BEST3: variants seen among roughly 807,000 people sequenced by gnomAD.
BEST3 encodes bestrophin 3.
In BEST3, 50 loss-of-function variants were observed where a neutral mutation model predicts 47.1. The ratio of observed to expected loss-of-function variants is 1.06; its 90% CI spans 0.85 to 1.34. The LOEUF (loss-of-function observed/expected upper bound fraction) is 1.34, where lower values mean the gene tolerates loss of function less well. BEST3 is among the 40% of genes most tolerant of loss of function. BEST3 has a pLI of 0.00. For synonymous variants in BEST3, 282 were observed against 298.8 expected, an observed-to-expected ratio of 0.94 and a Z score of 0.58; for missense variants, 765 against 817.0, an observed-to-expected ratio of 0.94 and a Z score of 0.78.
At position 69,666,671 on chromosome 12, in the gene BEST3, C is replaced by G. The variant is rs547213991; in HGVS notation, c.1100+4757G>C. Among the ~76,000 whole-genome samples the G allele has an allele frequency of 4.6e-5, 7 of 152,314 alleles. No individual in the cohort carries two copies. The South Asian group carries it at 1.5e-3, about 32-fold the overall frequency. On this transcript the variant is annotated intron_variant, in intron 9 of 9. Coordinates refer to ENST00000330891, the MANE Select transcript of BEST3 (RefSeq NM_032735.3). The stretch of plus-strand genomic sequence containing the variant: ...ACTGTTCTGATTGCTCCCACCCACT[C>G]TTTGGTTCTACGTACTGATACCAGT...
At chr12:69,684,451 T>A (rs1885437660) in intron 4 of BEST3, 2 of 485,904 alleles carry the variant, frequency 4.1e-6, no homozygotes, top group East Asian at 6.2e-5. Context: ...ATAGAGATTC[T>A]GCCTGCTGTA....
At chr12:69,655,835 T>C (rs1883455251) in intron 9 of BEST3, 22 bp from the exon 10 acceptor site, 1 of 1,582,680 alleles carries the variant, frequency 6.3e-7, no homozygotes, top group Non-Finnish European at 8.6e-7. Context: ...AATGACAAGA[T>C]CCAGGCAGAG....
intron 4 of BEST3, among the ~76,000 whole-genome samples, chr12:69,681,790 A>T (rs540500769): frequency 6.6e-6 from 1 of 152,052 alleles, no homozygotes; most frequent in East Asian, 2.0e-4. Flanking sequence ...TTTAGAAAAT[A>T]CCAATGGCAG....
At chr12:69,693,653 A>T (rs1886015176) in intron 4 of BEST3, 21 bp downstream of exon 4, 2 of 1,551,912 alleles carry the variant, frequency 1.3e-6, no homozygotes, top group South Asian at 1.1e-5. Flanking sequence ...AGCCCATGGA[A>T]GGAAAAGCCA....
At chr12:69,681,294 T>A (rs771400654) in intron 4 of BEST3, among the ~76,000 whole-genome samples, 1 of 152,184 alleles carries the variant, frequency 6.6e-6, no homozygotes, top group Non-Finnish European at 1.5e-5. Context: ...CCATCTGTAA[T>A]CAGTTAACAA....
At chr12:69,676,888 A>C in intron 7 of BEST3, 28 bp downstream of exon 7, 1 of 1,607,500 alleles carries the variant, frequency 6.2e-7, no homozygotes, top group East Asian at 2.2e-5. Context: ...AACACATTAC[A>C]AAGTGGGGCC....
At chr12:69,658,384 A>G (rs375415482) in intron 9 of BEST3, among the ~76,000 whole-genome samples, 13 of 152,328 alleles carry the variant, frequency 8.5e-5, no homozygotes, top group African/African-American at 3.1e-4. Flanking sequence ...GGGGGAAAAT[A>G]GACAAGTTGC....
At chr12:69,659,807 C>G (rs1051413776) in intron 9 of BEST3, among the ~76,000 whole-genome samples, 2 of 151,946 alleles carry the variant, frequency 1.3e-5, no homozygotes, top group African/African-American at 4.8e-5. Context: ...TACCACTTAA[C>G]CAACTAATAG....
intron 2 of BEST3, among the ~76,000 whole-genome samples, chr12:69,696,637 G>A (rs1886142644): frequency 6.6e-6 from 1 of 152,116 alleles, no homozygotes; most frequent in African/African-American, 2.4e-5. Context: ...GTTTTGACAT[G>A]TGGAAAAATA....
intron 9 of BEST3, 102 bp downstream of exon 9, chr12:69,671,326 T>C (rs1457666784): frequency 8.4e-7 from 1 of 1,189,558 alleles, no homozygotes; most frequent in African/African-American, 1.7e-5. Context: ...CACAGTTGGC[T>C]ACTTTAAATT....
chr12:69,689,830 T>C (rs1885842467), intron 4 of BEST3, among the ~76,000 whole-genome samples: 1 of 152,202 alleles, frequency 6.6e-6, no homozygotes, highest in Admixed American at 6.5e-5. Context: ...TCCTCAAAGC[T>C]CTTCTTTGTA....
intron 4 of BEST3, among the ~76,000 whole-genome samples, chr12:69,679,375 T>C (rs1422069428): frequency 1.3e-5 from 2 of 152,242 alleles, no homozygotes; most frequent in Admixed American, 1.3e-4. Context: ...TCCTCCTCTC[T>C]GAAGCCTTCC....
At position 69,654,958 on chromosome 12, in the gene BEST3, C is replaced by G; in HGVS notation, c.1956G>C (p.Lys652Asn). ...TGTTCAGCTCTATGATATCTGTTTCCTTGGTGTCCAGGTTTTCCATTAAAT... is the reference window on the plus strand; with the variant it reads ...TGTTCAGCTCTATGATATCTGTTTCGTTGGTGTCCAGGTTTTCCATTAAAT... ...MLYLMENLDT[K>N]ETDIIELNKE... The change falls in exon 10 of 10, where the codon AAG becomes AAC. Residue 652 changes from lysine to asparagine, a missense_variant. Coordinates refer to ENST00000330891, the MANE Select transcript of BEST3 (RefSeq NM_032735.3). 1.9e-6 allele frequency: 3 copies of G among 1,614,000 alleles called. No homozygotes were observed. Among genetic ancestry groups the G allele is most frequent in the Non-Finnish European group, 2.5e-6 (3 of 1,179,970 alleles).
In BEST3 at chr12:69,653,670, T is replaced by C. The variant is rs1883288365; in HGVS notation, c.*1237A>G. On this transcript the variant is annotated 3_prime_UTR_variant, in exon 10 of 10. Coordinates refer to ENST00000330891, the MANE Select transcript of BEST3 (RefSeq NM_032735.3). ...TAGTCAAGTGCCATCATATGACAAA[T>C]GGTAAGTGCAGCAGTCGTAAGGCAT... is the stretch of plus-strand genomic sequence containing the variant. The C allele has an allele frequency of 1.1e-5, 11 of 985,228 alleles. No individual in the cohort carries two copies. Among genetic ancestry groups the C allele is most frequent in the Non-Finnish European group, 1.3e-5 (11 of 829,942 alleles). 61.0% of individuals were successfully genotyped at this position (985,228 alleles called of 1,614,324 possible). A position where few individuals can be genotyped will look rare whatever the true frequency, so the allele number is the denominator to read the frequency against.
In BEST3 at chr12:69,655,105, C is replaced by T. The variant is rs536315434; in HGVS notation, c.1809G>A (p.Leu603=). The T allele has an allele frequency of 2.0e-5, 32 of 1,613,988 alleles. No individual in the cohort carries two copies. Among genetic ancestry groups the T allele is most frequent in the Non-Finnish European group, 2.7e-5 (32 of 1,180,016 alleles). ...PGFLGSSHTS[L]GNLSPDPMSS... ...TCATGGGGTCTGGACTTAGGTTTCCCAGGGAAGTGTGGCTGGACCCCAGGA... is the reference window on the plus strand; with the variant it reads ...TCATGGGGTCTGGACTTAGGTTTCCTAGGGAAGTGTGGCTGGACCCCAGGA... Residue 603 remains leucine (L), a synonymous_variant, in exon 10 of 10, where the codon CTG becomes CTA. Coordinates refer to ENST00000330891, the MANE Select transcript of BEST3 (RefSeq NM_032735.3).
At chr12:69,695,786 G>A (rs1471995319) in intron 2 of BEST3, among the ~76,000 whole-genome samples, 2 of 151,888 alleles carry the variant, frequency 1.3e-5, no homozygotes, top group East Asian at 1.9e-4. Context: ...ATATATAAGA[G>A]GCATTGTAAA....
chr12:69,644,394 G>A (rs59931990), intron 9 of BEST3, among the ~76,000 whole-genome samples: 3,286 of 151,690 alleles, frequency 0.022, 99 homozygotes, highest in African/African-American at 0.075. Context: ...ATTTGGCTCT[G>A]TTGTTTTACT....
rs750674581 is a variant in BEST3 at position 69,655,532 on chromosome 12, G to A, written c.1382C>T (p.Thr461Met). 52 of 1,614,000 alleles carry A rather than the reference G, an allele frequency of 3.2e-5. No homozygotes were observed. Among genetic ancestry groups the A allele is most frequent in the East Asian group, 1.6e-4 (7 of 44,890 alleles). ...CAGCTCTCCCATGCTGAAGTGCAGC[G>A]TGGGGCTTCCTTCTGGGAAGCAGGA... ...KKSCFPEGSP[T>M]LHFSMGELST... The change falls in exon 10 of 10, where the codon ACG becomes ATG. Residue 461 changes from threonine to methionine, a missense_variant. Physicochemically the swap from Thr to Met is moderately conservative, Grantham distance 81. Transcript: ENST00000330891.
intron 4 of BEST3, chr12:69,683,206 A>C (rs1885355011): frequency 6.6e-6 from 1 of 152,246 alleles, no homozygotes; most frequent in African/African-American, 2.4e-5. Context: ...CAAGAGATTG[A>C]AAGAGGACAA....
Sources: allele counts gnomAD v4.1 joint callset (sites outside exome capture counted in the v4.1 genomes callset), GRCh38; gene constraint gnomAD v4.1.1; transcripts MANE v1.5; gene names NCBI Gene and HGNC (gene_info 2026-07-23, HGNC 2026-07-21).